GLG1: variants seen among roughly 807,000 people sequenced by gnomAD.
GLG1 encodes the protein golgi glycoprotein 1.
A neutral mutation model predicts 160.5 loss-of-function variants in GLG1; 38 were observed. That is an observed-to-expected ratio of 0.24 (90% CI 0.18 to 0.31). The LOEUF is 0.31. Among genes scored for constraint, GLG1 ranks in the 10% least tolerant of loss-of-function variants. The pLI is 1.00. For missense variants in GLG1, 1,373 were observed against 1,505.2 expected, an observed-to-expected ratio of 0.91 and a Z score of 1.45; for synonymous variants, 644 against 543.4, an observed-to-expected ratio of 1.19 and a Z score of -2.57.
At chr16:74,494,004 G>A (rs1026641144) in intron 6 of GLG1, among the ~76,000 whole-genome samples, 12 of 151,814 alleles carry the variant, frequency 7.9e-5, no homozygotes, top group African/African-American at 1.2e-4. Context: ...GTGAAACCCC[G>A]TCTCTACTAA....
chr16:74,509,635 G>A (rs1047150332), intron 2 of GLG1, among the ~76,000 whole-genome samples: 2 of 151,874 alleles, frequency 1.3e-5, no homozygotes, highest in Non-Finnish European at 2.9e-5. Flanking sequence ...GGATCACGAG[G>A]TCAGGAGATC....
chr16:74,532,078 T>C, intron 2 of GLG1, 43 bp downstream of exon 2: 1 of 915,310 alleles, frequency 1.1e-6, no homozygotes, highest in Admixed American at 2.7e-5. Flanking sequence ...TGTCATCGTA[T>C]CTATAAAGCA....
intron 1 of GLG1, among the ~76,000 whole-genome samples, chr16:74,588,372 G>C (rs1164657761): frequency 1.3e-5 from 2 of 152,068 alleles, no homozygotes; most frequent in African/African-American, 4.8e-5. Context: ...AAAGACAGAG[G>C]CTTTGAATTT....
chr16:74,538,922 T>C (rs2017759062), intron 1 of GLG1, among the ~76,000 whole-genome samples: 1 of 151,608 alleles, frequency 6.6e-6, no homozygotes, highest in Admixed American at 6.6e-5. Flanking sequence ...GAAAGTTTCA[T>C]GGAGGGTACA....
intron 1 of GLG1, among the ~76,000 whole-genome samples, chr16:74,567,583 A>G (rs1230107736): frequency 4.1e-5 from 4 of 96,938 alleles, no homozygotes; most frequent in Non-Finnish European, 7.6e-5. Context: ...TTTTTTTGAG[A>G]CGGAGTCTCG....
chr16:74,471,508 G>A (rs1040480956), intron 14 of GLG1, among the ~76,000 whole-genome samples: 19 of 152,040 alleles, frequency 1.2e-4, no homozygotes, highest in African/African-American at 4.3e-4. Flanking sequence ...CATGATATAC[G>A]CTTTTTTTTT....
chr16:74,489,411 C>T (rs1333065797), intron 8 of GLG1, among the ~76,000 whole-genome samples: 1 of 151,700 alleles, frequency 6.6e-6, no homozygotes, highest in Non-Finnish European at 1.5e-5. Context: ...GTGGATGCTG[C>T]TATGAGCAGA....
At chr16:74,460,621 T>C (rs987432740) in intron 22 of GLG1, among the ~76,000 whole-genome samples, 1 of 152,200 alleles carries the variant, frequency 6.6e-6, no homozygotes, top group Non-Finnish European at 1.5e-5. Context: ...AGTTTGATGA[T>C]CGTCCCACAC....
chr16:74,518,435 C>T (rs569175715), intron 2 of GLG1, among the ~76,000 whole-genome samples: 6 of 152,178 alleles, frequency 3.9e-5, no homozygotes, highest in South Asian at 2.1e-4. Flanking sequence ...ACCTGACACA[C>T]GTAAACAATG....
At chr16:74,558,504 G>A (rs972845981) in intron 1 of GLG1, among the ~76,000 whole-genome samples, 32 of 152,170 alleles carry the variant, frequency 2.1e-4, no homozygotes, top group Admixed American at 1.7e-3. Context: ...TTGTTAACTC[G>A]CTGAGCACCT....
chr16:74,453,666 A>C (rs907844843), intron 25 of GLG1, among the ~76,000 whole-genome samples: 3 of 152,024 alleles, frequency 2.0e-5, no homozygotes, highest in Admixed American at 2.0e-4. Context: ...CTCATTTAGC[A>C]CTCACACCAA....
chr16:74,593,504 C>T (rs1481557556), intron 1 of GLG1, among the ~76,000 whole-genome samples: 4 of 150,446 alleles, frequency 2.7e-5, no homozygotes, highest in Non-Finnish European at 4.4e-5. Context: ...ACGCGATCTC[C>T]GCTCACTGCA....
In GLG1 at chr16:74,462,560, C is replaced by G. The variant is rs937628483; in HGVS notation, c.2862G>C (p.Leu954=). ...ATTCTGAATCATCCTTGGCCTTAGTCAGGATACCGTGACAGAATTTAGGAA... is the reference window on the plus strand; with the variant it reads ...ATTCTGAATCATCCTTGGCCTTAGTGAGGATACCGTGACAGAATTTAGGAA... The part of the protein sequence containing the change: ...ADIPKFCHGI[L]TKAKDDSELE... Residue 954 remains leucine (L), a synonymous_variant, in exon 21 of 26, where the codon CTG becomes CTC. Coordinates refer to ENST00000422840, the MANE Select transcript of GLG1 (RefSeq NM_001145667.2). 2 of 1,613,612 alleles carry G rather than the reference C, an allele frequency of 1.2e-6. No individual in the cohort carries two copies. Among genetic ancestry groups the G allele is most frequent in the South Asian group, 2.2e-5 (2 of 91,074 alleles).
rs746630497 is a variant in GLG1, at chr16:74,453,185, T to C, written c.3522A>G (p.Arg1174=). The C allele has an allele frequency of 6.2e-6, 10 of 1,614,076 alleles. No homozygotes were observed. The highest frequency in any genetic ancestry group is 8.5e-6 in the Non-Finnish European group (10 of 1,179,988). Residue 1174 remains arginine, a synonymous_variant, in exon 26 of 26, where the codon CGA becomes CGG. Transcript: ENST00000422840. ...GGTGGCTCTACCTGTCCTTGAGCTC[T>C]CGTGTCACTCGCTTGGTGATCCGTC... ...MCGRITKRVT[R]ELKDR
chr16:74,539,323 G>A (rs1386532248), intron 1 of GLG1, among the ~76,000 whole-genome samples: 1 of 151,954 alleles, frequency 6.6e-6, no homozygotes, highest in African/African-American at 2.4e-5. Context: ...ATAGGAACAC[G>A]TTAAGTTTTA....
intron 2 of GLG1, among the ~76,000 whole-genome samples, chr16:74,528,121 G>A (rs1436655398): frequency 6.6e-6 from 1 of 151,886 alleles, no homozygotes; most frequent in East Asian, 1.9e-4. Context: ...TCCTGACCTA[G>A]TGATCTGCCT....
At chr16:74,459,601 T>A in intron 23 of GLG1, 81 bp downstream of exon 23, 14 of 736,680 alleles carry the variant, frequency 1.9e-5, no homozygotes, top group South Asian at 1.7e-5. Context: ...ATTACCAAGG[T>A]AGGCAGACTA....
intron 1 of GLG1, among the ~76,000 whole-genome samples, chr16:74,558,914 G>T (rs2018427594): frequency 6.6e-6 from 1 of 152,092 alleles, no homozygotes; most frequent in Non-Finnish European, 1.5e-5. Context: ...TAGAGACGGG[G>T]TCTCACTCCG....
Position 74,508,887 on chromosome 16 carries a change from G to A in GLG1, c.510C>T (p.Pro170=), listed in dbSNP as rs199968244. Residue 170 remains proline (P), a synonymous_variant, in exon 3 of 26, where the codon CCC becomes CCT. Coordinates refer to ENST00000422840, the MANE Select transcript of GLG1 (RefSeq NM_001145667.2). ...CCTCTCTGGCCACAGATTCAAATTT[G>A]GGATCTGTAGTTAGGTTCAGCTTAT... is the stretch of plus-strand genomic sequence containing the variant. The part of the protein sequence containing the change: ...WNYKLNLTTD[P]KFESVAREVC... The A allele has an allele frequency of 1.3e-6, 2 of 1,535,670 alleles. No homozygotes were observed. Among genetic ancestry groups the A allele is most frequent in the African/African-American group, 2.7e-5 (2 of 73,302 alleles).
Sources: allele counts gnomAD v4.1 joint callset (sites outside exome capture counted in the v4.1 genomes callset), GRCh38; gene constraint gnomAD v4.1.1; transcripts MANE v1.5; gene names NCBI Gene and HGNC (gene_info 2026-07-23, HGNC 2026-07-21).